The following CACNA2D3 variants were observed in gnomAD, a reference collection of about 807,000 sequenced individuals.
CACNA2D3 encodes calcium voltage-gated channel auxiliary subunit alpha2delta 3.
A neutral mutation model predicts 160.6 loss-of-function variants in CACNA2D3; 60 were observed. That is an observed-to-expected ratio of 0.37 (90% confidence interval 0.30 to 0.46). The LOEUF is 0.46. Ranked by LOEUF, CACNA2D3 falls within the 20% of genes least tolerant of loss-of-function variation. The pLI, the probability that CACNA2D3 is intolerant of heterozygous loss-of-function variation, is 1.00. For synonymous variants in CACNA2D3, 558 were observed against 492.9 expected (o/e 1.13, Z -1.75); for missense variants, 1,205 against 1,365.0 (o/e 0.88, Z 1.85).
intron 12 of CACNA2D3, among the ~76,000 whole-genome samples, chr3:54,763,743 ATGTG>A (rs1702139782): frequency 9.5e-6 from 1 of 105,582 alleles, no homozygotes; most frequent in African/African-American, 3.0e-5. Context: ...ATGTGTATAT[ATGTG>A]CATATATATA....
At chr3:54,998,685 A>G (rs1227348357) in intron 31 of CACNA2D3, among the ~76,000 whole-genome samples, 1 of 151,832 alleles carries the variant, frequency 6.6e-6, no homozygotes, top group Non-Finnish European at 1.5e-5. Flanking sequence ...TTCTTGGCTA[A>G]TGATGGGTGC....
intron 4 of CACNA2D3, among the ~76,000 whole-genome samples, chr3:54,470,989 A>T (rs567636301): frequency 1.3e-5 from 2 of 152,106 alleles, no homozygotes; most frequent in Non-Finnish European, 2.9e-5. Context: ...ACCACTGTCA[A>T]TATTAGATCA....
intron 3 of CACNA2D3, among the ~76,000 whole-genome samples, chr3:54,332,501 A>G (rs995013274): frequency 6.6e-6 from 1 of 152,350 alleles, no homozygotes; most frequent in Middle Eastern, 3.4e-3. Flanking sequence ...GTATTTACTT[A>G]TATGCCACTT....
At chr3:54,829,883 A>ATTTT (rs1703831702) in intron 14 of CACNA2D3, among the ~76,000 whole-genome samples, 1 of 86,770 alleles carries the variant, frequency 1.2e-5, no homozygotes, top group Non-Finnish European at 2.3e-5. Context: ...CTTCTTCTTC[A>ATTTT]TCTTTTTTTT....
chr3:54,567,556 G>A (rs1702428176), intron 6 of CACNA2D3, among the ~76,000 whole-genome samples: 2 of 152,112 alleles, frequency 1.3e-5, no homozygotes, highest in Non-Finnish European at 2.9e-5. Context: ...TGTTTTTTGA[G>A]AAGGAGTCTT....
At chr3:54,787,204 A>G (rs181778624) in intron 13 of CACNA2D3, among the ~76,000 whole-genome samples, 4 of 152,340 alleles carry the variant, frequency 2.6e-5, no homozygotes, top group Admixed American at 2.0e-4. Flanking sequence ...GCTCATTTGT[A>G]TTAGTTATAG....
In CACNA2D3 at chr3:54,467,280, T is replaced by C. The variant is rs565429253; in HGVS notation, c.382-36212T>C. 2.6e-5 allele frequency among the ~76,000 whole-genome samples: 4 copies of C among 152,306 alleles called. No homozygotes were observed. In the South Asian group the frequency reaches 8.3e-4, roughly 32 times the overall value. ...GCTGCCCTTGACAGCCCACATGGGC[T>C]CCCTTCTGTGCTGTGAACTGTAAAG... is the stretch of plus-strand genomic sequence containing the variant. On this transcript the variant is annotated intron_variant, in intron 4 of 37. Coordinates refer to ENST00000474759, the MANE Select transcript of CACNA2D3 (RefSeq NM_018398.3).
At chr3:55,071,994 A>G (rs1004487791) in intron 35 of CACNA2D3, among the ~76,000 whole-genome samples, 1 of 152,266 alleles carries the variant, frequency 6.6e-6, no homozygotes, top group African/African-American at 2.4e-5. Context: ...GGCAAAATCC[A>G]TTCAGTAGAG....
At chr3:55,026,333 C>T (rs1450369646) in intron 35 of CACNA2D3, among the ~76,000 whole-genome samples, 1 of 152,182 alleles carries the variant, frequency 6.6e-6, no homozygotes, top group Non-Finnish European at 1.5e-5. Flanking sequence ...GAAGATAGCT[C>T]AGGACTTGAG....
chr3:54,358,593 G>A (rs537458306), intron 3 of CACNA2D3, among the ~76,000 whole-genome samples: 2 of 152,336 alleles, frequency 1.3e-5, no homozygotes, highest in Non-Finnish European at 2.9e-5. Context: ...AATCTCCCAG[G>A]ATGAGAGACC....
intron 17 of CACNA2D3, among the ~76,000 whole-genome samples, chr3:54,862,393 ACACACACACACG>A (rs1302913938): frequency 1.3e-5 from 2 of 151,966 alleles, no homozygotes; most frequent in African/African-American, 4.8e-5. Context: ...ACACACACAC[ACACACACACACG>A]CACACACACG....
chr3:54,855,751 G>GC (rs1394493854), intron 17 of CACNA2D3, among the ~76,000 whole-genome samples: 3 of 151,980 alleles, frequency 2.0e-5, no homozygotes, highest in African/African-American at 4.8e-5. Flanking sequence ...CTTCCAATAA[G>GC]CTCCCCCTTC....
rs140437002 is a variant in CACNA2D3 at position 54,198,862 on chromosome 3, G to A, written c.204+75268G>A. 6.4e-4 allele frequency among the ~76,000 whole-genome samples: 97 copies of A among 152,366 alleles called. 1 individual carries two copies. Among genetic ancestry groups the A allele is most frequent in the African/African-American group, 2.1e-3 (88 of 41,588 alleles). ...TTCTCAAAAGCCTTTGTTCTTCCAC[G>A]GATTTTTCTGTGCTGAGTGATGGCC... On this transcript the variant is annotated intron_variant, in intron 2 of 37. Transcript: ENST00000474759.
intron 27 of CACNA2D3, chr3:54,918,182 C>CTGTG: frequency 3.0e-6 from 1 of 329,924 alleles, no homozygotes; most frequent in Non-Finnish European, 5.6e-6. Flanking sequence ...TTCCCTTTCT[C>CTGTG]TGTGTGTGTC....
Position 55,058,306 on chromosome 3 carries a change from T to G in CACNA2D3, c.2988-15139T>G, listed in dbSNP as rs140137600. Among the ~76,000 whole-genome samples, 66 of 152,340 alleles carry G rather than the reference T, an allele frequency of 4.3e-4. No homozygotes were observed. The East Asian group carries it at 0.012, about 28-fold the overall frequency. ...TCAGAAAGCTTAGATAGAGTCAAAGTAGGAAGGCATGAATTCAGCTTTTAT... is the reference window on the plus strand; with the variant it reads ...TCAGAAAGCTTAGATAGAGTCAAAGGAGGAAGGCATGAATTCAGCTTTTAT... On this transcript the variant is annotated intron_variant, in intron 35 of 37. Coordinates refer to ENST00000474759, the MANE Select transcript of CACNA2D3 (RefSeq NM_018398.3).
chr3:55,033,734 T>TTATAAATATATAAAATATATTTTA, intron 35 of CACNA2D3, among the ~76,000 whole-genome samples: 2 of 114,024 alleles, frequency 1.8e-5, no homozygotes, highest in South Asian at 5.0e-4. Context: ...TAAATATATT[T>TTATAAATATATAAAATATATTTTA]TATATAATAT....
At chr3:54,472,318 C>T (rs1700748281) in intron 4 of CACNA2D3, among the ~76,000 whole-genome samples, 1 of 152,138 alleles carries the variant, frequency 6.6e-6, no homozygotes, top group African/African-American at 2.4e-5. Context: ...CTCATAGATG[C>T]AGAAAAGGCC....
intron 4 of CACNA2D3, among the ~76,000 whole-genome samples, chr3:54,443,017 A>C (rs902356532): frequency 6.6e-6 from 1 of 152,160 alleles, no homozygotes; most frequent in Admixed American, 6.5e-5. Context: ...AATGGCTGTT[A>C]ATACCTACCT....
intron 11 of CACNA2D3, among the ~76,000 whole-genome samples, chr3:54,732,543 G>A (rs2107016703): frequency 6.6e-6 from 1 of 152,300 alleles, no homozygotes; most frequent in South Asian, 2.1e-4. Flanking sequence ...CTTCGTGTCT[G>A]GAATTTGGGG....
Sources: allele counts gnomAD v4.1 joint callset (sites outside exome capture counted in the v4.1 genomes callset), GRCh38; gene constraint gnomAD v4.1.1; transcripts MANE v1.5; gene names NCBI Gene and HGNC (gene_info 2026-07-23, HGNC 2026-07-21).